Variants in CCDC171 observed in about 807,000 individuals in gnomAD.
CCDC171 encodes coiled-coil domain containing 171.
A neutral mutation model predicts 168.2 loss-of-function variants in CCDC171; 177 were observed. The ratio of observed to expected loss-of-function variants is 1.05; its 90% CI spans 0.93 to 1.19. The LOEUF is 1.19. CCDC171 is among the 50% of genes most tolerant of loss of function. The pLI, the probability that CCDC171 is intolerant of heterozygous loss-of-function variation, is 0.00. For missense variants in CCDC171, 1,991 were observed against 1,539.0 expected (o/e 1.29, Z -4.91); for synonymous variants, 687 against 540.8 (o/e 1.27, Z -3.75).
intron 25 of CCDC171, among the ~76,000 whole-genome samples, chr9:15,935,105 G>T (rs1826965634): frequency 6.6e-6 from 1 of 152,084 alleles, no homozygotes; most frequent in Non-Finnish European, 1.5e-5. Context: ...GCACAATGTT[G>T]TGAATGTTCC....
chr9:16,014,019 A>G (rs1004083793), intron 3 of CCDC171, among the ~76,000 whole-genome samples: 2 of 152,182 alleles, frequency 1.3e-5, no homozygotes, highest in African/African-American at 4.8e-5. Context: ...GTTTGCCACA[A>G]TGGTTGACTT....
At chr9:15,560,117 G>C (rs981259432) in intron 1 of CCDC171, among the ~76,000 whole-genome samples, 1 of 152,144 alleles carries the variant, frequency 6.6e-6, no homozygotes, top group Admixed American at 6.5e-5. Context: ...AGTCTGATGG[G>C]CTTCCCTTTG....
intron 25 of CCDC171, among the ~76,000 whole-genome samples, chr9:15,964,790 C>T (rs1047137529): frequency 1.3e-5 from 2 of 152,216 alleles, no homozygotes; most frequent in East Asian, 3.9e-4. Context: ...GACAGAGTCT[C>T]ACTCTTGTCA....
chr9:15,885,673 A>G (rs985723096), intron 24 of CCDC171: 14 of 152,274 alleles, frequency 9.2e-5, no homozygotes, highest in African/African-American at 3.1e-4. Context: ...TTCTTTGCAT[A>G]ATGCCTTGAA....
intron 16 of CCDC171, among the ~76,000 whole-genome samples, chr9:15,738,729 T>C (rs2054652985): frequency 6.6e-6 from 1 of 152,186 alleles, no homozygotes; most frequent in Non-Finnish European, 1.5e-5. Flanking sequence ...CCTCTGAAAG[T>C]AGTTCCCTAT....
intron 21 of CCDC171, among the ~76,000 whole-genome samples, chr9:15,797,443 T>C (rs967909302): frequency 6.6e-6 from 1 of 152,112 alleles, no homozygotes; most frequent in Non-Finnish European, 1.5e-5. Flanking sequence ...CTTGAACTCC[T>C]GGGCTGAAGC....
Position 15,645,330 on chromosome 9 carries a change from C to A in CCDC171, c.823-11797C>A, listed in dbSNP as rs186169392. On this transcript the variant is annotated intron_variant, in intron 7 of 25. Transcript: ENST00000380701. The stretch of plus-strand genomic sequence containing the variant: ...GCTGAAAATTCTAAAAATCAGAGCT[C>A]TTCTACCTCTCCAAAGGAACTCAGC... Among the ~76,000 whole-genome samples the A allele has an allele frequency of 6.2e-3, 782 of 125,198 alleles. 5 individuals carry two copies. The highest frequency in any genetic ancestry group is 0.022 in the African/African-American group (764 of 34,584). The allele number at this position is 125,198 out of a possible 152,430, so 82.1% of individuals were successfully genotyped here. A position where few individuals can be genotyped will look rare whatever the true frequency, so the allele number is the denominator to read the frequency against.
chr9:15,795,806 C>T (rs947601977), intron 21 of CCDC171, among the ~76,000 whole-genome samples: 1 of 152,194 alleles, frequency 6.6e-6, no homozygotes, highest in African/African-American at 2.4e-5. Context: ...ACTAAGGAAA[C>T]TGGAACCTAG....
In CCDC171 at chr9:15,702,622, T is replaced by C. The variant is rs369102862; in HGVS notation, c.1318+7285T>C. Among the ~76,000 whole-genome samples the C allele has an allele frequency of 4.7e-4, 71 of 152,228 alleles. 1 individual carries two copies. Among genetic ancestry groups the C allele is most frequent in the African/African-American group, 1.6e-3 (67 of 41,574 alleles). Reference sequence around the variant, plus strand: ...GGCATTGACTTCTCCCCTCTAGCTGTAAAAGTCCTAGGTGACATTTTGCAA... The same window carrying C: ...GGCATTGACTTCTCCCCTCTAGCTGCAAAAGTCCTAGGTGACATTTTGCAA... On this transcript the variant is annotated intron_variant, in intron 11 of 25. Transcript: ENST00000380701.
chr9:15,880,257 A>G (rs2131323423), intron 24 of CCDC171, among the ~76,000 whole-genome samples: 1 of 152,352 alleles, frequency 6.6e-6, no homozygotes, highest in East Asian at 1.9e-4. Context: ...GTAAGTTATC[A>G]AAAAGATTTT....
chr9:15,924,462 A>G (rs1042443832), intron 25 of CCDC171, among the ~76,000 whole-genome samples: 4 of 150,326 alleles, frequency 2.7e-5, no homozygotes, highest in African/African-American at 9.8e-5. Flanking sequence ...AAAGTCAGCT[A>G]TTATTCTGAT....
intron 3 of CCDC171, among the ~76,000 whole-genome samples, chr9:16,014,918 C>A (rs1483310743): frequency 2.6e-5 from 4 of 152,034 alleles, no homozygotes; most frequent in Non-Finnish European, 4.4e-5. Flanking sequence ...TGAGTATTGG[C>A]TTCAAGTTAA....
At chr9:15,859,201 G>A (rs2061456815) in intron 23 of CCDC171, among the ~76,000 whole-genome samples, 1 of 151,870 alleles carries the variant, frequency 6.6e-6, no homozygotes, top group Admixed American at 6.6e-5. Context: ...ATTGATTTTT[G>A]TATCTTGAAC....
At chr9:15,568,315 G>A (rs2039920838) in intron 2 of CCDC171, among the ~76,000 whole-genome samples, 1 of 143,876 alleles carries the variant, frequency 7.0e-6, no homozygotes, top group Admixed American at 7.2e-5. Flanking sequence ...CTGTTGCCCA[G>A]GCTGGAGTGC....
At chr9:15,839,634 C>G (rs10756710) in intron 21 of CCDC171, among the ~76,000 whole-genome samples, 51,250 of 151,562 alleles carry the variant, frequency 0.34, 10,240 homozygotes, top group East Asian at 0.65. Flanking sequence ...AGTTGTTACT[C>G]AAGTAATTTT....
chr9:15,611,227 A>G (rs1158939654), intron 6 of CCDC171, among the ~76,000 whole-genome samples: 1 of 152,200 alleles, frequency 6.6e-6, no homozygotes, highest in Non-Finnish European at 1.5e-5. Flanking sequence ...TGATGCCAGC[A>G]TCATGCTTCC....
intron 7 of CCDC171, among the ~76,000 whole-genome samples, chr9:15,645,683 G>C: frequency 6.6e-6 from 1 of 152,182 alleles, no homozygotes; most frequent in East Asian, 1.9e-4. Context: ...GAAGTGATAA[G>C]AGAAGTTTAG....
At chr9:16,015,976 C>G (rs1833003798) in intron 3 of CCDC171, among the ~76,000 whole-genome samples, 1 of 152,100 alleles carries the variant, frequency 6.6e-6, no homozygotes. Context: ...GAATAATATC[C>G]CATTGTACGT....
At chr9:15,609,126 G>T (rs1220041835) in intron 6 of CCDC171, among the ~76,000 whole-genome samples, 1 of 150,238 alleles carries the variant, frequency 6.7e-6, no homozygotes, top group Non-Finnish European at 1.5e-5. Context: ...TGGACACGGA[G>T]TCTCGCTCTG....
Sources: allele counts gnomAD v4.1 joint callset (sites outside exome capture counted in the v4.1 genomes callset), GRCh38; gene constraint gnomAD v4.1.1; transcripts MANE v1.5; gene names NCBI Gene and HGNC (gene_info 2026-07-23, HGNC 2026-07-21).